Variants in MRTFB observed in about 807,000 individuals in gnomAD.
MRTFB encodes the protein myocardin-related transcription factor B.
MRTFB carries 29 observed loss-of-function variants against 104.2 expected under a neutral mutation model. That is an observed-to-expected ratio of 0.28 (90% CI 0.21 to 0.38). MRTFB has a LOEUF of 0.38. Among genes scored for constraint, MRTFB ranks in the 10% least tolerant of loss-of-function variants. The pLI is 1.00. For missense variants in MRTFB, 1,270 were observed against 1,341.6 expected, an observed-to-expected ratio of 0.95 and a Z score of 0.83; for synonymous variants, 535 against 519.5, an observed-to-expected ratio of 1.03 and a Z score of -0.41.
intron 9 of MRTFB, among the ~76,000 whole-genome samples, chr16:14,237,737 C>T (rs779626735): frequency 3.9e-5 from 6 of 152,028 alleles, no homozygotes; most frequent in African/African-American, 9.7e-5. Context: ...GGAAGGAAAA[C>T]GCAGAGTCTC....
intron 15 of MRTFB, among the ~76,000 whole-genome samples, chr16:14,257,772 T>G (rs1034818080): frequency 1.3e-5 from 2 of 152,172 alleles, no homozygotes; most frequent in African/African-American, 4.8e-5. Context: ...GTGATCACCT[T>G]TGTACAAATT....
the MRTFB span, among the ~76,000 whole-genome samples, chr16:14,026,842 A>T: frequency 6.6e-6 from 1 of 151,538 alleles, no homozygotes; most frequent in Non-Finnish European, 1.5e-5. Context: ...AAACAAAGCT[A>T]TGGTGAGCTA....
intron 2 of MRTFB, among the ~76,000 whole-genome samples, chr16:14,118,142 C>CTTT (rs200411394): frequency 2.7e-5 from 3 of 109,730 alleles, no homozygotes; most frequent in African/African-American, 6.6e-5. Context: ...TTTTCTTTTT[C>CTTT]TTTTTTTTTT....
At chr16:14,236,022 G>A (rs1444481370) in intron 9 of MRTFB, among the ~76,000 whole-genome samples, 1 of 152,034 alleles carries the variant, frequency 6.6e-6, no homozygotes, top group Non-Finnish European at 1.5e-5. Context: ...TCTATAAAGT[G>A]TACAAAAAAA....
rs534523887 is a variant in MRTFB, at chr16:14,261,520, GA to G, written c.*77del. On this transcript the variant is annotated 3_prime_UTR_variant, in exon 17 of 17. Transcript: ENST00000571589. ...TCTAAAAGGTCAGTTTTTAGAGATA[GA>G]TCTATAGTTGCATTGTTGCAATCAA... 4.5e-3 allele frequency: 6,161 copies of G among 1,379,924 alleles called. 21 individuals carry two copies. Among genetic ancestry groups the G allele is most frequent in the Non-Finnish European group, 5.6e-3 (5,651 of 1,013,526 alleles). The allele number at this position is 1,379,924 out of a possible 1,614,324, so 85.5% of individuals were successfully genotyped here.
At chr16:14,206,828 C>G (rs1483269225) in intron 3 of MRTFB, among the ~76,000 whole-genome samples, 3 of 151,998 alleles carry the variant, frequency 2.0e-5, no homozygotes, top group African/African-American at 7.2e-5. Context: ...TGTTTTAATA[C>G]TACCCAAAGT....
Position 14,263,630 on chromosome 16 carries a change from C to A in MRTFB, c.*2186C>A, listed in dbSNP as rs2043849566. Reference sequence around the variant, plus strand: ...TTCTAGCTCTCGGGTCCCTTTATTGCTTTTTAAAATAGGGTTTGAAACATG... The same window carrying A: ...TTCTAGCTCTCGGGTCCCTTTATTGATTTTTAAAATAGGGTTTGAAACATG... On this transcript the variant is annotated 3_prime_UTR_variant, in exon 17 of 17. Coordinates refer to ENST00000571589, the MANE Select transcript of MRTFB (RefSeq NM_001308142.2). 3 of 152,098 alleles carry A rather than the reference C, an allele frequency of 2.0e-5. No homozygotes were observed. The highest frequency in any genetic ancestry group is 4.4e-5 in the Non-Finnish European group (3 of 68,008). 9.4% of individuals were successfully genotyped at this position (152,098 alleles called of 1,614,324 possible).
chr16:14,129,343 C>T (rs2037323599), intron 2 of MRTFB, among the ~76,000 whole-genome samples: 1 of 152,132 alleles, frequency 6.6e-6, no homozygotes, highest in Non-Finnish European at 1.5e-5. Flanking sequence ...GTTGTACAGT[C>T]ATCACTTTTG....
At chr16:14,102,166 A>AAG (rs1159474926) in intron 2 of MRTFB, among the ~76,000 whole-genome samples, 20 of 152,262 alleles carry the variant, frequency 1.3e-4, no homozygotes, top group African/African-American at 4.6e-4. Context: ...TAAAAAAAAA[A>AAG]AAAGAAATTG....
Position 14,116,846 on chromosome 16 carries a change from C to A in MRTFB, c.-63-23698C>A, listed in dbSNP as rs1049610818. 3.9e-5 allele frequency among the ~76,000 whole-genome samples: 6 copies of A among 152,210 alleles called. No homozygotes were observed. The East Asian group carries it at 1.2e-3, about 29-fold the overall frequency. On this transcript the variant is annotated intron_variant, in intron 2 of 16. Coordinates refer to ENST00000571589, the MANE Select transcript of MRTFB (RefSeq NM_001308142.2). Reference sequence around the variant, plus strand: ...ACAGTCACCCCTGGTTGAGATCTACCAGTCTAGAAGGAAGACTCTTTGAGG... The same window carrying A: ...ACAGTCACCCCTGGTTGAGATCTACAAGTCTAGAAGGAAGACTCTTTGAGG...
chr16:14,083,153 T>C (rs2034509328), intron 2 of MRTFB, among the ~76,000 whole-genome samples: 1 of 152,188 alleles, frequency 6.6e-6, no homozygotes, highest in African/African-American at 2.4e-5. Context: ...TTTTTTCAGA[T>C]AGTTCGTTGT....
intron 2 of MRTFB, among the ~76,000 whole-genome samples, chr16:14,107,337 C>G (rs949829940): frequency 1.3e-5 from 2 of 152,130 alleles, no homozygotes; most frequent in Non-Finnish European, 2.9e-5. Flanking sequence ...CTGGGGCTCA[C>G]GCCTAGAATC....
chr16:14,259,419 G>A (rs2043665967), intron 16 of MRTFB, among the ~76,000 whole-genome samples: 1 of 151,916 alleles, frequency 6.6e-6, no homozygotes, highest in South Asian at 2.1e-4. Context: ...ATTTCATCTT[G>A]TCTACTAATA....
At position 14,126,359 on chromosome 16, in the gene MRTFB, C is replaced by T. The variant is rs116015025; in HGVS notation, c.-63-14185C>T. 3.5e-3 allele frequency among the ~76,000 whole-genome samples: 525 copies of T among 152,122 alleles called. 3 individuals carry two copies. Among genetic ancestry groups the T allele is most frequent in the African/African-American group, 0.012 (508 of 41,510 alleles). On this transcript the variant is annotated intron_variant, in intron 2 of 16. Transcript: ENST00000571589. ...CTTTAAGAGCTAACCTGTATTATGCCTGGGCTAGGAAAACTTTAAAACCCT... is the reference window on the plus strand; with the variant it reads ...CTTTAAGAGCTAACCTGTATTATGCTTGGGCTAGGAAAACTTTAAAACCCT...
intron 3 of MRTFB, among the ~76,000 whole-genome samples, chr16:14,176,873 G>A (rs572045997): frequency 2.6e-5 from 4 of 152,358 alleles, no homozygotes; most frequent in Admixed American, 2.6e-4. Flanking sequence ...CACATGGTGT[G>A]CTGAGTCCTT....
intron 2 of MRTFB, among the ~76,000 whole-genome samples, chr16:14,137,480 G>A (rs2037779794): frequency 6.6e-6 from 1 of 151,988 alleles, no homozygotes; most frequent in Admixed American, 6.6e-5. Context: ...TAGCACTGAT[G>A]TTCAGAGCTT....
rs1429644861 is a variant in MRTFB, at chr16:14,218,811, T to C, written c.515-9T>C. 2 of 1,575,810 alleles carry C rather than the reference T, an allele frequency of 1.3e-6. No homozygotes were observed. Among genetic ancestry groups the C allele is most frequent in the East Asian group, 4.6e-5 (2 of 43,660 alleles). ...CATAAGTCAAGTCAAAAATCATTTC[T>C]TTCTTTAGGCGTTGGGAAGGAGGAC... On this transcript the variant is annotated splice_polypyrimidine_tract_variant and intron_variant, in intron 7 of 16. Coordinates refer to ENST00000571589, the MANE Select transcript of MRTFB (RefSeq NM_001308142.2).
rs760546221 is a variant in MRTFB, at chr16:14,219,013, G to GT, written c.693+19dup. On this transcript the variant is annotated intron_variant, in intron 8 of 16. Coordinates refer to ENST00000571589, the MANE Select transcript of MRTFB (RefSeq NM_001308142.2). Reference sequence around the variant, plus strand: ...CTCCAGCGCAGGTATTATCTTTCTGGTTTTGACCCCTAAAGAAAGAAAATG... The same window carrying GT: ...CTCCAGCGCAGGTATTATCTTTCTGGTTTTTGACCCCTAAAGAAAGAAAATG... 3.8e-6 allele frequency: 6 copies of GT among 1,573,174 alleles called. No individual in the cohort carries two copies. The Admixed American group carries it at 9.2e-5, about 24-fold the overall frequency.
the MRTFB span, among the ~76,000 whole-genome samples, chr16:14,003,779 A>C: frequency 1.3e-5 from 2 of 152,122 alleles, no homozygotes; most frequent in Non-Finnish European, 2.9e-5. Flanking sequence ...GTATGCAGGC[A>C]CCAAACACTG....
Sources: gnomAD v4.1 joint callset for allele counts (sites outside exome capture counted in the v4.1 genomes callset) on GRCh38, gnomAD v4.1.1 for gene constraint, MANE v1.5 for transcripts, NCBI Gene and HGNC (gene_info 2026-07-23, HGNC 2026-07-21) for gene names.